N4BP1: variants seen among roughly 807,000 people sequenced by gnomAD.
N4BP1 encodes the protein NEDD4-binding protein 1.
A neutral mutation model predicts 70.9 loss-of-function variants in N4BP1; 21 were observed. That is an observed-to-expected ratio of 0.30 (90% confidence interval 0.21 to 0.43). The LOEUF is 0.43. Ranked by LOEUF, N4BP1 falls within the 20% of genes least tolerant of loss-of-function variation. The probability of loss-of-function intolerance (pLI) is 1.00; values close to 1 mark genes in which losing one functional copy is unlikely to be tolerated. For missense variants in N4BP1, 936 were observed against 1,069.4 expected (o/e 0.88, Z 1.74); for synonymous variants, 387 against 394.6 (o/e 0.98, Z 0.23).
rs538418773 is a variant in N4BP1 at position 48,594,013 on chromosome 16, A to C, written c.198+15762T>G. On this transcript the variant is annotated intron_variant, in intron 1 of 6. Coordinates refer to ENST00000262384, the MANE Select transcript of N4BP1 (RefSeq NM_153029.4). ...CAAGACTCCGTCTCAAAAAAAAAAA[A>C]AAAAACAAAAAAAAAACCACCTAGC... Among the ~76,000 whole-genome samples, 518 of 151,008 alleles carry C rather than the reference A, an allele frequency of 3.4e-3. 3 individuals are homozygous for C. The highest frequency in any genetic ancestry group is 6.6e-3 in the Admixed American group (100 of 15,192).
chr16:48,583,217 C>T (rs1439435635), intron 1 of N4BP1, among the ~76,000 whole-genome samples: 3 of 152,016 alleles, frequency 2.0e-5, no homozygotes, highest in Non-Finnish European at 4.4e-5. Context: ...CAATGGAATG[C>T]TTATCAGCCA....
Position 48,561,083 on chromosome 16 carries a change from A to G in N4BP1, c.1560T>C (p.Leu520=). 1.2e-6 allele frequency: 2 copies of G among 1,613,980 alleles called. No individual in the cohort carries two copies. The highest frequency in any genetic ancestry group is 1.7e-6 in the Non-Finnish European group (2 of 1,179,884). ...GCTGGTGTAAACCATTTTCAGGAAA[A>G]AGTGGAACTCTGGGCTGGTGACTTG... The part of the protein sequence containing the change: ...GASSHQPRVP[L]FPENGLHQQP... Residue 520 remains leucine (L), a synonymous_variant, in exon 2 of 7, where the codon CTT becomes CTC. Coordinates refer to ENST00000262384, the MANE Select transcript of N4BP1 (RefSeq NM_153029.4).
At chr16:48,603,467 A>G (rs1356308980) in intron 1 of N4BP1, among the ~76,000 whole-genome samples, 1 of 152,136 alleles carries the variant, frequency 6.6e-6, no homozygotes, top group Non-Finnish European at 1.5e-5. Context: ...GGAGACGCCA[A>G]ACAAGTAGCT....
chr16:48,604,689 CTGT>C (rs1223556704), intron 1 of N4BP1, among the ~76,000 whole-genome samples: 1 of 150,886 alleles, frequency 6.6e-6, no homozygotes, highest in Non-Finnish European at 1.5e-5. Context: ...GCACATATAA[CTGT>C]TTTTTTAAAA....
intron 1 of N4BP1, among the ~76,000 whole-genome samples, chr16:48,562,925 A>ATT (rs913818821): frequency 6.6e-6 from 1 of 150,592 alleles, no homozygotes; most frequent in Non-Finnish European, 1.5e-5. Context: ...AATAACATTA[A>ATT]TTTTTTTTTT....
At position 48,553,556 on chromosome 16, in the gene N4BP1, C is replaced by T. The variant is rs973085558; in HGVS notation, c.2003G>A (p.Arg668His). The change falls in exon 3 of 7, where the codon CGT becomes CAT. Residue 668 changes from arginine to histidine, a missense_variant. By Grantham distance (29) the Arg-to-His change is conservative. Transcript: ENST00000262384. ...TVFVPQWRTR[R>H]DPNVTEQHFL... ...TGCCTCACCTGTGACATTAGGATCA[C>T]GCCTTGTTCTCCACTGAGGGACAAA... 32 of 1,575,080 alleles carry T rather than the reference C, an allele frequency of 2.0e-5. No individual in the cohort carries two copies. The highest frequency in any genetic ancestry group is 2.4e-5 in the Non-Finnish European group (28 of 1,163,470).
At chr16:48,600,752 T>G (rs1220705010) in intron 1 of N4BP1, 1 of 316,350 alleles carries the variant, frequency 3.2e-6, no homozygotes, top group African/African-American at 2.2e-5. Flanking sequence ...AAATGAAAAG[T>G]GATTAAAATA....
intron 1 of N4BP1, among the ~76,000 whole-genome samples, chr16:48,563,915 T>C (rs573037137): frequency 7.9e-5 from 12 of 152,212 alleles, no homozygotes; most frequent in Admixed American, 3.3e-4. Context: ...GAGCACTCTA[T>C]ATCCTCCTTC....
chr16:48,582,039 A>T (rs1050988271), intron 1 of N4BP1, among the ~76,000 whole-genome samples: 2 of 152,210 alleles, frequency 1.3e-5, no homozygotes, highest in African/African-American at 2.4e-5. Flanking sequence ...AAATATTTGC[A>T]AACTATACAC....
intron 1 of N4BP1, among the ~76,000 whole-genome samples, chr16:48,585,235 C>A (rs1293234664): frequency 2.0e-5 from 3 of 152,082 alleles, no homozygotes; most frequent in Non-Finnish European, 1.5e-5. Flanking sequence ...ACTCGGCCTA[C>A]ACATTTTTTT....
rs1248982574 is a variant in N4BP1, at chr16:48,562,032, A to C, written c.611T>G (p.Val204Gly). 1 of 1,613,832 alleles carries C rather than the reference A, an allele frequency of 6.2e-7. No homozygotes were observed. Among genetic ancestry groups the C allele is most frequent in the East Asian group, 2.2e-5 (1 of 44,874 alleles). ...TTGTTGAGAATCTCTCATTTCAATA[A>C]CCTCATCATCTCCTGTTTCAAAGAG... ...ENLFETGDDE[V>G]IEMRDSQQTE... is the part of the protein sequence containing the mutation. Residue 204 changes from valine (V) to glycine (G), a missense_variant, in exon 2 of 7, where the codon GTT becomes GGT. Transcript: ENST00000262384.
chr16:48,555,297 G>C (rs1963733449), intron 2 of N4BP1, among the ~76,000 whole-genome samples: 1 of 151,856 alleles, frequency 6.6e-6, no homozygotes, highest in African/African-American at 2.4e-5. Context: ...CTGGGTTGCA[G>C]AGCCAGGGGG....
intron 1 of N4BP1, among the ~76,000 whole-genome samples, chr16:48,573,461 C>T (rs1964051560): frequency 1.3e-5 from 2 of 152,050 alleles, no homozygotes; most frequent in South Asian, 4.1e-4. Flanking sequence ...GGCATTGTGG[C>T]ACACAACTGT....
In N4BP1 at chr16:48,561,989, A is replaced by T. The variant is rs1189359354; in HGVS notation, c.654T>A (p.Asn218Lys). Residue 218 changes from asparagine (N) to lysine (K), a missense_variant, in exon 2 of 7, where the codon AAT (asparagine) becomes AAA (lysine). Asn to Lys is a moderately conservative substitution (Grantham distance 94, BLOSUM62 0). Around this residue, in one of 4 missense-constraint regions of N4BP1, gnomAD observed 515 missense variants for 491.7 expected, o/e 1.05. Coordinates refer to ENST00000262384, the MANE Select transcript of N4BP1 (RefSeq NM_153029.4). ...RDSQQTEFTQ[N>K]AATGLNISRD... ...TAGAAATATTCAGCCCTGTGGCAGC[A>T]TTCTGTGTAAACTCTGTTTGTTGAG... is the stretch of plus-strand genomic sequence containing the variant. 1 of 1,613,834 alleles carries T rather than the reference A, an allele frequency of 6.2e-7. No homozygotes were observed. The highest frequency in any genetic ancestry group is 8.5e-7 in the Non-Finnish European group (1 of 1,179,902).
chr16:48,561,899 T>C lies in N4BP1; in HGVS notation c.744A>G (p.Thr248=), dbSNP rs1320397078. The change falls in exon 2 of 7, where the codon ACA becomes ACG. Residue 248 remains threonine, a synonymous_variant. Coordinates refer to ENST00000262384, the MANE Select transcript of N4BP1 (RefSeq NM_153029.4). The part of the protein sequence containing the change: ...NKAGTPVSEL[T]KQMDTVLSSS... ...TAGAAAGGACTGTGTCCATTTGTTT[T>C]GTAAGCTCAGAAACAGGAGTCCCAG... 2.5e-6 allele frequency: 4 copies of C among 1,613,872 alleles called. No homozygotes were observed. In the African/African-American group the frequency reaches 5.3e-5, roughly 22 times the overall value.
chr16:48,564,237 CG>C (rs1963905168), intron 1 of N4BP1, among the ~76,000 whole-genome samples: 2 of 152,140 alleles, frequency 1.3e-5, no homozygotes, highest in Non-Finnish European at 2.9e-5. Flanking sequence ...TAAGGAAGTT[CG>C]GTTTTTAGAT....
chr16:48,560,630 T>A, intron 2 of N4BP1, 124 bp downstream of exon 2: 3 of 1,303,760 alleles, frequency 2.3e-6, no homozygotes, highest in Non-Finnish European at 2.1e-6. Flanking sequence ...CCCTCCACCA[T>A]CCGACCCTAA....
rs540868095 is a variant in N4BP1 at position 48,594,746 on chromosome 16, G to A, written c.198+15029C>T. Reference sequence around the variant, plus strand: ...TTACATTCATATAAATAGGTTATTAGTATGTGTTACAAAATTGTATGAGAT... The same window carrying A: ...TTACATTCATATAAATAGGTTATTAATATGTGTTACAAAATTGTATGAGAT... On this transcript the variant is annotated intron_variant, in intron 1 of 6. Transcript: ENST00000262384. 2.0e-5 allele frequency among the ~76,000 whole-genome samples: 3 copies of A among 152,266 alleles called. No homozygotes were observed. In the East Asian group the frequency reaches 5.8e-4, roughly 29 times the overall value.
intron 3 of N4BP1, among the ~76,000 whole-genome samples, chr16:48,552,969 TC>T (rs1963697686): frequency 6.6e-6 from 1 of 152,118 alleles, no homozygotes; most frequent in African/African-American, 2.4e-5. Flanking sequence ...ACTTTATTTT[TC>T]CAGGCCCTCT....
Sources: gnomAD v4.1 joint callset for allele counts (sites outside exome capture counted in the v4.1 genomes callset) on GRCh38, gnomAD v4.1.1 for gene constraint, gnomAD v4.1.1 regional missense constraint, MANE v1.5 for transcripts, NCBI Gene and HGNC (gene_info 2026-07-23, HGNC 2026-07-21) for gene names.